HSD17B10: variants seen among roughly 807,000 people sequenced by gnomAD.
The protein encoded by HSD17B10 is hydroxysteroid 17-beta dehydrogenase 10.
For synonymous variants in HSD17B10, 90 were observed against 85.9 expected, an observed-to-expected ratio of 1.05 and a Z score of -0.26; for missense variants, 87 against 219.4, an observed-to-expected ratio of 0.40 and a Z score of 3.81.
intron 2 of HSD17B10, 81 bp downstream of exon 2, chrX:53,433,641 T>C: frequency 1.0e-6 from 1 of 984,575 alleles, no homozygotes; most frequent in East Asian, 3.3e-5. Flanking sequence ...GAGACCCTTA[T>C]GGGAGGGACC....
intron 2 of HSD17B10, 72 bp from the exon 3 acceptor site, chrX:53,432,483 AG>A: frequency 2.2e-6 from 2 of 901,789 alleles, no homozygotes; most frequent in Non-Finnish European, 3.2e-6. Context: ...GAGGGAGGGC[AG>A]GGCAGGGCAT....
At position 53,434,315 on chromosome X, in the gene HSD17B10, C is replaced by T; in HGVS notation, c.27+4G>A. 2 of 1,168,591 alleles carry T rather than the reference C, an allele frequency of 1.7e-6. No individual in the cohort carries two copies. Among genetic ancestry groups the T allele is most frequent in the African/African-American group, 3.5e-5 (2 of 56,480 alleles). On this transcript the variant is annotated splice_donor_region_variant and intron_variant, in intron 1 of 5. Coordinates refer to ENST00000168216, the MANE Select transcript of HSD17B10 (RefSeq NM_004493.3). ...GCAAGCAACAGAGGCAAAGAACCTT[C>T]TACCTTCACGCTCCGACACGCTGCT...
Position 53,431,829 on chromosome X carries a change from G to A in HSD17B10, c.564C>T (p.Pro188=), listed in dbSNP as rs1556894557. The A allele has an allele frequency of 1.7e-6, 2 of 1,210,398 alleles. No homozygotes were observed. Among genetic ancestry groups the A allele is most frequent in the South Asian group, 3.5e-5 (2 of 56,927 alleles). ...MTLPIARDLA[P]IGIRVMTIAP... is the part of the protein sequence containing the mutation. ...CAATGGTCATCACCCGGATACCTATGGGAGCCAGATCCCGAGCAATGGGCA... is the reference window on the plus strand; with the variant it reads ...CAATGGTCATCACCCGGATACCTATAGGAGCCAGATCCCGAGCAATGGGCA... The change falls in exon 5 of 6, where the codon CCC becomes CCT. Residue 188 remains proline, a synonymous_variant. Transcript: ENST00000168216.
Position 53,434,201 on chromosome X carries a change from A to T in HSD17B10, c.27+118T>A, listed in dbSNP as rs2075836331. 3.4e-6 allele frequency: 3 copies of T among 875,302 alleles called. No homozygotes were observed. In the Admixed American group the frequency reaches 7.8e-5, roughly 23 times the overall value. 72.1% of individuals were successfully genotyped at this position (875,302 alleles called of 1,213,427 possible). The stretch of plus-strand genomic sequence containing the variant: ...ACCTCTTGAGCCCAACGGCCACAAT[A>T]CCAGGCCTACATAAGCATGACCCTT... On this transcript the variant is annotated intron_variant, in intron 1 of 5. Coordinates refer to ENST00000168216, the MANE Select transcript of HSD17B10 (RefSeq NM_004493.3).
At chrX:53,432,162 G>A in intron 3 of HSD17B10, 46 bp from the exon 4 acceptor site, 1 of 1,210,029 alleles carries the variant, frequency 8.3e-7, no homozygotes, top group Non-Finnish European at 1.1e-6. Flanking sequence ...GGCAGAAGAA[G>A]CCTTTGTCCC....
At chrX:53,434,255 T>C in intron 1 of HSD17B10, 64 bp downstream of exon 1, 10 of 1,117,879 alleles carry the variant, frequency 8.9e-6, no homozygotes, top group Middle Eastern at 2.4e-4. Flanking sequence ...TTTCTCCTAG[T>C]TCCACGGCCG....
intron 4 of HSD17B10, 39 bp downstream of exon 4, chrX:53,431,949 G>A (rs2075826484): frequency 8.3e-7 from 1 of 1,208,643 alleles, no homozygotes; most frequent in African/African-American, 1.8e-5. Flanking sequence ...GCCCCAACAA[G>A]TCACTTAGGA....
At chrX:53,434,059 A>C (rs2075835462) in intron 1 of HSD17B10, 173 bp from the exon 2 acceptor site, 3 of 593,012 alleles carry the variant, frequency 5.1e-6, no homozygotes, top group Non-Finnish European at 8.2e-6. Context: ...CCTCGGGGGC[A>C]GAAGGGATCT....
rs2075835763 is a variant in HSD17B10 at position 53,434,110 on chromosome X, T to TGATTGAGAGATAGATAGATAGAC, written c.27+208_27+209insGTCTATCTATCTATCTCTCAATC. On this transcript the variant is annotated intron_variant, in intron 1 of 5. Transcript: ENST00000168216. ...CGTCCCGTGACGATAGATAGATAGA[T>TGATTGAGAGATAGATAGATAGAC]GATTGATAGATAGATAGATAGACAG... is the stretch of plus-strand genomic sequence containing the variant. 2.0e-5 allele frequency: 11 copies of TGATTGAGAGATAGATAGATAGAC among 558,775 alleles called. No individual in the cohort carries two copies. In the Admixed American group the frequency reaches 2.9e-4, roughly 15 times the overall value. The allele number at this position is 558,775 out of a possible 1,213,427, so 46.0% of individuals were successfully genotyped here.
chrX:53,434,270 G>A, intron 1 of HSD17B10, 49 bp downstream of exon 1: 1 of 1,147,220 alleles, frequency 8.7e-7, no homozygotes, highest in Non-Finnish European at 1.2e-6. Flanking sequence ...CGGCCGCGCT[G>A]TCCCGGCCCG....
intron 1 of HSD17B10, 99 bp downstream of exon 1, chrX:53,434,220 G>T: frequency 2.0e-6 from 2 of 998,751 alleles, no homozygotes; most frequent in African/African-American, 1.9e-5. Context: ...ACATAAGCAT[G>T]ACCCTTTCCC....
chrX:53,433,923 T>C lies in HSD17B10; in HGVS notation c.28-37A>G, dbSNP rs782414166. The C allele has an allele frequency of 6.8e-6, 8 of 1,182,993 alleles. No individual in the cohort carries two copies. In the African/African-American group the frequency reaches 8.8e-5, roughly 13 times the overall value. On this transcript the variant is annotated intron_variant, in intron 1 of 5. Transcript: ENST00000168216. ...GACATGGTCAGGGTCAGCTGTTACATTGCCCAGACCATCCCCACGCTGTCG... is the reference window on the plus strand; with the variant it reads ...GACATGGTCAGGGTCAGCTGTTACACTGCCCAGACCATCCCCACGCTGTCG...
chrX:53,433,605 G>A lies in HSD17B10; in HGVS notation c.192+117C>T, dbSNP rs1334669816. The A allele has an allele frequency of 8.9e-5, 59 of 665,287 alleles. No homozygotes were observed. In the South Asian group the frequency reaches 9.9e-4, roughly 11 times the overall value. The allele number at this position is 665,287 out of a possible 1,213,427, so 54.8% of individuals were successfully genotyped here. A position where few individuals can be genotyped will look rare whatever the true frequency, so the allele number is the denominator to read the frequency against. The stretch of plus-strand genomic sequence containing the variant: ...GAAGGCTCAGGCCAAAAGAGACAAG[G>A]AGATGGGTCTACCGCCCCCATAGAG... On this transcript the variant is annotated intron_variant, in intron 2 of 5. Coordinates refer to ENST00000168216, the MANE Select transcript of HSD17B10 (RefSeq NM_004493.3).
chrX:53,432,168 G>A (rs1556894619), intron 3 of HSD17B10, 52 bp from the exon 4 acceptor site: 2 of 1,210,215 alleles, frequency 1.7e-6, no homozygotes, highest in Non-Finnish European at 2.2e-6. Flanking sequence ...AGAAGCCTTT[G>A]TCCCCTAAAA....
chrX:53,431,994 C>T lies in HSD17B10; in HGVS notation c.480G>A (p.Glu160=), dbSNP rs1161789651. 7 of 1,209,658 alleles carry T rather than the reference C, an allele frequency of 5.8e-6. No homozygotes were observed. The highest frequency in any genetic ancestry group is 2.2e-5 in the Admixed American group (1 of 45,706). The change falls in exon 4 of 6, where the codon GAG becomes GAA. Residue 160 remains glutamate (E), a synonymous_variant. Transcript: ENST00000168216. ...IINTASVAAF[E]GQVGQAAYSA... is the part of the protein sequence containing the mutation. ...CTTACCCCTGCCCACACACCTGACC[C>T]TCGAAGGCAGCCACACTGGCAGTGT...
In HSD17B10 at chrX:53,431,342, GGA is replaced by G; in HGVS notation, c.*60_*61del. The stretch of plus-strand genomic sequence containing the variant: ...TGGCTACTGGGCTTCCTCCCAAGCT[GGA>G]GAGTAGTACCCCAGGGAAAGGAAGG... On this transcript the variant is annotated 3_prime_UTR_variant, in exon 6 of 6. Transcript: ENST00000168216. 1 of 1,073,461 alleles carries G rather than the reference GGA, an allele frequency of 9.3e-7. No homozygotes were observed. Among genetic ancestry groups the G allele is most frequent in the Non-Finnish European group, 1.3e-6 (1 of 773,573 alleles). The allele number at this position is 1,073,461 out of a possible 1,213,427, so 88.5% of individuals were successfully genotyped here.
intron 1 of HSD17B10, 95 bp from the exon 2 acceptor site, chrX:53,433,981 G>A (rs1212386954): frequency 1.5e-5 from 15 of 995,795 alleles, no homozygotes; most frequent in Non-Finnish European, 1.9e-5. Flanking sequence ...GAGGAGAAGG[G>A]GGGAGGGGAG....
chrX:53,431,688 G>A (rs1353349322), intron 5 of HSD17B10, 94 bp from the exon 6 acceptor site: 16 of 1,025,137 alleles, frequency 1.6e-5, no homozygotes, highest in Non-Finnish European at 2.2e-5. Flanking sequence ...GCTTCTCTGG[G>A]GCCCAAAGAT....
In HSD17B10 at chrX:53,434,358, C is replaced by G. The variant is rs1556895080; in HGVS notation, c.-13G>C. 1 of 1,168,205 alleles carries G rather than the reference C, an allele frequency of 8.6e-7. No individual in the cohort carries two copies. Among genetic ancestry groups the G allele is most frequent in the Non-Finnish European group, 1.1e-6 (1 of 873,061 alleles). ...ACGCTGCTGCCATCTTGTCGCCGGC[C>G]ACTCCACGGGATGGGGATGGGGGCG... On this transcript the variant is annotated 5_prime_UTR_variant, in exon 1 of 6. Coordinates refer to ENST00000168216, the MANE Select transcript of HSD17B10 (RefSeq NM_004493.3).
Sources: gnomAD v4.1 joint callset for allele counts on GRCh38, gnomAD v4.1.1 for gene constraint, MANE v1.5 for transcripts, NCBI Gene and HGNC (gene_info 2026-07-23, HGNC 2026-07-21) for gene names.